Variants in CRYZL1 observed in about 807,000 individuals in gnomAD.
CRYZL1 encodes the protein ferry endosomal RAB5 effector complex subunit 4.
CRYZL1 carries 34 observed loss-of-function variants against 50.6 expected under a neutral mutation model. The observed-to-expected ratio is 0.67, with a 90% CI of 0.51 to 0.89. The LOEUF is 0.89. Among genes scored for constraint, CRYZL1 ranks in the 40% least tolerant of loss-of-function variants. The pLI is 0.00. For synonymous variants in CRYZL1, 125 were observed against 134.3 expected, an observed-to-expected ratio of 0.93 and a Z score of 0.48; for missense variants, 354 against 402.3, an observed-to-expected ratio of 0.88 and a Z score of 1.03.
At chr21:33,610,311 C>T (rs2086858450) in intron 6 of CRYZL1, among the ~76,000 whole-genome samples, 1 of 152,056 alleles carries the variant, frequency 6.6e-6, no homozygotes, top group African/African-American at 2.4e-5. Flanking sequence ...AGGCATGTGC[C>T]ACCACAGCTG....
At position 33,622,068 on chromosome 21, in the gene CRYZL1, G is replaced by A; in HGVS notation, c.145C>T (p.Leu49Phe). Residue 49 changes from leucine (L) to phenylalanine (F), a missense_variant and splice_region_variant, in exon 4 of 13, where the codon CTT (leucine) becomes TTT (phenylalanine). Coordinates refer to ENST00000381554, the MANE Select transcript of CRYZL1 (RefSeq NM_145858.3). ...TTTTTCATCTTCATTTCTGCCAGAA[G>A]CTAAATCATGACAAAGGCAGTTAAC... ...ACALSQINTK[L>F]LAEMKMKKDL... 13 of 1,611,596 alleles carry A rather than the reference G, an allele frequency of 8.1e-6. No homozygotes were observed. Among genetic ancestry groups the A allele is most frequent in the Non-Finnish European group, 1.1e-5 (13 of 1,178,272 alleles).
intron 2 of CRYZL1, among the ~76,000 whole-genome samples, chr21:33,631,280 A>G (rs999540933): frequency 6.6e-6 from 1 of 152,246 alleles, no homozygotes; most frequent in Admixed American, 6.5e-5. Flanking sequence ...GTGCCAATTA[A>G]AAACAAAATA....
chr21:33,633,897 A>G (rs2087169570), intron 1 of CRYZL1, among the ~76,000 whole-genome samples: 1 of 152,248 alleles, frequency 6.6e-6, no homozygotes, highest in South Asian at 2.1e-4. Context: ...GAGACTGCAT[A>G]GGCCATATGT....
chr21:33,601,074 T>A lies in CRYZL1; in HGVS notation c.577+1160A>T, dbSNP rs1264343170. Among the ~76,000 whole-genome samples the A allele has an allele frequency of 2.6e-5, 4 of 151,426 alleles. No homozygotes were observed. In the East Asian group the frequency reaches 7.8e-4, roughly 30 times the overall value. ...GCCTTAGCCTCCTGAGTAGCTGGGA[T>A]TACAGGCGTCTGCCACCACGCCCAG... is the stretch of plus-strand genomic sequence containing the variant. On this transcript the variant is annotated intron_variant, in intron 8 of 12. Transcript: ENST00000381554.
intron 6 of CRYZL1, among the ~76,000 whole-genome samples, chr21:33,608,571 C>T (rs2086837844): frequency 6.6e-6 from 1 of 152,208 alleles, no homozygotes; most frequent in African/African-American, 2.4e-5. Flanking sequence ...CCATTCTACT[C>T]TCTGCCTCTA....
At chr21:33,616,225 C>G (rs1349878496) in intron 5 of CRYZL1, 1 of 154,522 alleles carries the variant, frequency 6.5e-6, no homozygotes, top group African/African-American at 2.4e-5. Flanking sequence ...CTATTGCAAT[C>G]AAGGTCCCAA....
In CRYZL1 at chr21:33,610,214, G is replaced by A. The variant is rs1031134904; in HGVS notation, c.331+3324C>T. Among the ~76,000 whole-genome samples, 4 of 152,072 alleles carry A rather than the reference G, an allele frequency of 2.6e-5. No individual in the cohort carries two copies. In the East Asian group the frequency reaches 5.8e-4, roughly 22 times the overall value. ...AGAGTCTTGCTCTGTTGCCCAGGCT[G>A]GAGTACAGTGGCACAATTTTGGCTC... On this transcript the variant is annotated intron_variant, in intron 6 of 12. Coordinates refer to ENST00000381554, the MANE Select transcript of CRYZL1 (RefSeq NM_145858.3).
chr21:33,607,941 A>G (rs1345671208), intron 6 of CRYZL1, among the ~76,000 whole-genome samples: 10 of 152,142 alleles, frequency 6.6e-5, no homozygotes, highest in Admixed American at 6.5e-4. Flanking sequence ...TTGTAAATTG[A>G]CAAGTTATAA....
chr21:33,614,773 C>T (rs8128885), intron 5 of CRYZL1, among the ~76,000 whole-genome samples: 8,392 of 152,126 alleles, frequency 0.055, 803 homozygotes, highest in African/African-American at 0.19. Flanking sequence ...AGTTTCACCA[C>T]ATTGGCCAGG....
At chr21:33,606,870 G>GCCCA in intron 6 of CRYZL1, among the ~76,000 whole-genome samples, 1 of 151,988 alleles carries the variant, frequency 6.6e-6, no homozygotes, top group African/African-American at 2.4e-5. Context: ...AATTAGTCAG[G>GCCCA]CGTGGTGGCG....
At chr21:33,638,205 G>C (rs558091417) in intron 1 of CRYZL1, among the ~76,000 whole-genome samples, 39 of 149,124 alleles carry the variant, frequency 2.6e-4, no homozygotes, top group African/African-American at 8.7e-4. Flanking sequence ...AATGGGTCAG[G>C]TCTGCTTTTT....
intron 6 of CRYZL1, among the ~76,000 whole-genome samples, chr21:33,613,231 T>A (rs1439946861): frequency 6.6e-6 from 1 of 152,228 alleles, no homozygotes; most frequent in East Asian, 1.9e-4. Flanking sequence ...AAAAAATTTT[T>A]AATTCTGATT....
intron 1 of CRYZL1, among the ~76,000 whole-genome samples, chr21:33,634,937 CTAAA>C (rs2087187257): frequency 6.6e-6 from 1 of 150,844 alleles, no homozygotes; most frequent in African/African-American, 2.4e-5. Flanking sequence ...TCACATCATC[CTAAA>C]TAGTTTCTCT....
At position 33,605,530 on chromosome 21, in the gene CRYZL1, C is replaced by CTTTTTTT. The variant is rs146096008; in HGVS notation, c.332-2000_332-1994dup. ...GTAATTTTTCCGCAGTACAAGAATT[C>CTTTTTTT]TTTTTTTTTTGAGATGGAGTCTCAC... On this transcript the variant is annotated intron_variant, in intron 6 of 12. Coordinates refer to ENST00000381554, the MANE Select transcript of CRYZL1 (RefSeq NM_145858.3). Among the ~76,000 whole-genome samples the CTTTTTTT allele has an allele frequency of 1.0e-3, 54 of 53,202 alleles. 17 individuals carry two copies. The South Asian group carries it at 0.011, about 11-fold the overall frequency. The allele number at this position is 53,202 out of a possible 152,430, so 34.9% of individuals were successfully genotyped here.
intron 11 of CRYZL1, 120 bp from the exon 12 acceptor site, chr21:33,591,327 C>G (rs1467252954): frequency 1.3e-6 from 1 of 761,578 alleles, no homozygotes; most frequent in African/African-American, 1.7e-5. Context: ...CTCAGAGACT[C>G]AACATGTTAA....
At chr21:33,605,567 G>C (rs1445459579) in intron 6 of CRYZL1, among the ~76,000 whole-genome samples, 1 of 59,856 alleles carries the variant, frequency 1.7e-5, no homozygotes, top group Non-Finnish European at 3.2e-5. Flanking sequence ...CTGTCGCCAG[G>C]CTGGAGTGCA....
intron 2 of CRYZL1, among the ~76,000 whole-genome samples, chr21:33,629,548 C>T (rs1164092108): frequency 6.6e-6 from 1 of 152,252 alleles, no homozygotes; most frequent in Non-Finnish European, 1.5e-5. Flanking sequence ...CAGGCGTGAG[C>T]CACCATGCCC....
At chr21:33,589,957 TTAAAGA>T (rs753461095) in intron 12 of CRYZL1, 36 bp from the exon 13 acceptor site, 1 of 1,279,574 alleles carries the variant, frequency 7.8e-7, no homozygotes, top group Non-Finnish European at 1.1e-6. Context: ...TCAGGTCTAG[TTAAAGA>T]TAAGTAGAAC....
At chr21:33,637,444 CAAAAA>C (rs544640250) in intron 1 of CRYZL1, among the ~76,000 whole-genome samples, 10 of 76,936 alleles carry the variant, frequency 1.3e-4, no homozygotes, top group Non-Finnish European at 2.4e-4. Flanking sequence ...GACTCTGTCT[CAAAAA>C]AAAAAAAAAA....
Sources: gnomAD v4.1 joint callset for allele counts (sites outside exome capture counted in the v4.1 genomes callset) on GRCh38, gnomAD v4.1.1 for gene constraint, MANE v1.5 for transcripts, NCBI Gene and HGNC (gene_info 2026-07-23, HGNC 2026-07-21) for gene names.